EXTL3: variants seen among roughly 807,000 people sequenced by gnomAD.
EXTL3 encodes the protein exostosin-like 3.
A neutral mutation model predicts 69.3 loss-of-function variants in EXTL3; 27 were observed. That is an observed-to-expected ratio of 0.39 (90% CI 0.29 to 0.54). The LOEUF (loss-of-function observed/expected upper bound fraction) is 0.54, where lower values mean the gene tolerates loss of function less well. Among genes scored for constraint, EXTL3 ranks in the 20% least tolerant of loss-of-function variants. EXTL3 has a pLI of 0.69. For missense variants in EXTL3, 1,003 were observed against 1,231.8 expected (o/e 0.81, Z 2.78); for synonymous variants, 511 against 499.4 (o/e 1.02, Z -0.31).
chr8:28,738,593 G>A (rs972884395), intron 5 of EXTL3, among the ~76,000 whole-genome samples: 18 of 152,152 alleles, frequency 1.2e-4, no homozygotes, highest in Non-Finnish European at 2.4e-4. Flanking sequence ...AGGAGTCCCT[G>A]TTCTAAGATT....
At chr8:28,652,316 G>T (rs982229171) in intron 1 of EXTL3, among the ~76,000 whole-genome samples, 1 of 151,792 alleles carries the variant, frequency 6.6e-6, no homozygotes, top group African/African-American at 2.4e-5. Flanking sequence ...AATGTCCAAG[G>T]GTTCCCATTT....
At chr8:28,691,611 A>G (rs1800615208) in intron 1 of EXTL3, among the ~76,000 whole-genome samples, 1 of 130,832 alleles carries the variant, frequency 7.6e-6, no homozygotes, top group Admixed American at 7.5e-5. Flanking sequence ...TAATATGTAG[A>G]TGTTGGCCGG....
upstream of EXTL3, among the ~76,000 whole-genome samples, chr8:28,618,322 A>G (rs73669819): frequency 0.013 from 1,926 of 152,076 alleles, 51 homozygotes; most frequent in African/African-American, 0.044. Context: ...AAGGTATATA[A>G]TAATAATAAT....
chr8:28,661,925 T>C (rs918876334), intron 1 of EXTL3, among the ~76,000 whole-genome samples: 2 of 151,036 alleles, frequency 1.3e-5, no homozygotes, highest in African/African-American at 4.8e-5. Flanking sequence ...TAAATGTATA[T>C]ATTACATATT....
intron 3 of EXTL3, among the ~76,000 whole-genome samples, chr8:28,725,240 G>C (rs1445865742): frequency 6.6e-6 from 1 of 152,152 alleles, no homozygotes; most frequent in Non-Finnish European, 1.5e-5. Context: ...GCAGGTTCCA[G>C]GCCACGATTG....
chr8:28,616,530 G>A (rs1806333605), intron 2 of EXTL3, among the ~76,000 whole-genome samples: 1 of 152,168 alleles, frequency 6.6e-6, no homozygotes, highest in South Asian at 2.1e-4. Flanking sequence ...GGGAGGCTGA[G>A]GCAGGAGAAT....
intron 1 of EXTL3, among the ~76,000 whole-genome samples, chr8:28,661,810 G>A (rs1014643307): frequency 4.0e-5 from 6 of 151,734 alleles, no homozygotes; most frequent in East Asian, 1.9e-4. Flanking sequence ...GCTTGAACCC[G>A]GGAGGCAGAG....
At chr8:28,660,837 G>GATTTTTT (rs1807097504) in intron 1 of EXTL3, among the ~76,000 whole-genome samples, 1 of 24,902 alleles carries the variant, frequency 4.0e-5, no homozygotes, top group Non-Finnish European at 7.6e-5. Context: ...CCGATTTTTG[G>GATTTTTT]CTTTTTTTTT....
At chr8:28,620,291 G>A (rs1032586458), upstream of EXTL3, among the ~76,000 whole-genome samples, 33 of 152,158 alleles carry the variant, frequency 2.2e-4, no homozygotes, top group African/African-American at 8.0e-4. Context: ...CAGGGCCAGT[G>A]CTTCCTAACA....
chr8:28,674,783 G>A (rs920854726), intron 1 of EXTL3, among the ~76,000 whole-genome samples: 4 of 152,150 alleles, frequency 2.6e-5, no homozygotes, highest in Non-Finnish European at 4.4e-5. Flanking sequence ...CAGTGAAGGA[G>A]CACTCCCACC....
rs896044331 is a variant in EXTL3 at position 28,753,988 on chromosome 8, T to C, written c.*3122T>C. 5 of 152,286 alleles carry C rather than the reference T, an allele frequency of 3.3e-5. No homozygotes were observed. Among genetic ancestry groups the C allele is most frequent in the African/African-American group, 1.2e-4 (5 of 41,314 alleles). The allele number at this position is 152,286 out of a possible 1,614,324, so 9.4% of individuals were successfully genotyped here. A position where few individuals can be genotyped will look rare whatever the true frequency, so the allele number is the denominator to read the frequency against. On this transcript the variant is annotated 3_prime_UTR_variant, in exon 7 of 7. Transcript: ENST00000220562. Reference sequence around the variant, plus strand: ...TTTAAGCAGGATGTGGAAGGGCATGTGGCCCATATATGCAAAGTTAATTTT... The same window carrying C: ...TTTAAGCAGGATGTGGAAGGGCATGCGGCCCATATATGCAAAGTTAATTTT...
At chr8:28,648,828 A>C (rs967914803) in intron 1 of EXTL3, among the ~76,000 whole-genome samples, 2 of 150,516 alleles carry the variant, frequency 1.3e-5, no homozygotes, top group Admixed American at 1.3e-4. Flanking sequence ...GGATCCTCCC[A>C]CCTCAGCATC....
intron 1 of EXTL3, among the ~76,000 whole-genome samples, chr8:28,684,362 C>T (rs181514221): frequency 1.3e-5 from 2 of 152,294 alleles, no homozygotes; most frequent in Admixed American, 6.5e-5. Context: ...AAACTCTTCA[C>T]AGTGGTTGTA....
chr8:28,664,874 A>G (rs1371408091), intron 1 of EXTL3, among the ~76,000 whole-genome samples: 1 of 152,064 alleles, frequency 6.6e-6, no homozygotes, highest in Non-Finnish European at 1.5e-5. Context: ...TAATCTGAAG[A>G]TGAGTTCCTC....
In EXTL3 at chr8:28,750,466, A is replaced by G. The variant is rs1801979894; in HGVS notation, c.2551-191A>G. On this transcript the variant is annotated intron_variant, in intron 6 of 6. Coordinates refer to ENST00000220562, the MANE Select transcript of EXTL3 (RefSeq NM_001440.4). This position sits in a 1 kb window ranked among gnomAD's most constrained non-coding sequence, Gnocchi z 5.2. ...GGCCATCTCAACAGAATACCTGACA[A>G]TGTTCTGGAGACATCTGGTAGGCAG... Among the ~76,000 whole-genome samples, 2 of 152,280 alleles carry G rather than the reference A, an allele frequency of 1.3e-5. No individual in the cohort carries two copies. The highest frequency in any genetic ancestry group is 2.1e-4 in the South Asian group (1 of 4,828).
At position 28,752,532 on chromosome 8, in the gene EXTL3, C is replaced by T. The variant is rs1802030401; in HGVS notation, c.*1666C>T. 1 of 152,652 alleles carries T rather than the reference C, an allele frequency of 6.6e-6. No homozygotes were observed. Among genetic ancestry groups the T allele is most frequent in the Admixed American group, 6.5e-5 (1 of 15,270 alleles). 9.5% of individuals were successfully genotyped at this position (152,652 alleles called of 1,614,324 possible). A position where few individuals can be genotyped will look rare whatever the true frequency, so the allele number is the denominator to read the frequency against. On this transcript the variant is annotated 3_prime_UTR_variant, in exon 7 of 7. Transcript: ENST00000220562. The stretch of plus-strand genomic sequence containing the variant: ...TCAAGTACTGTTTTGAAGCTGGGCT[C>T]TTTTGTGTAGCTCCCACCCACCTGT...
chr8:28,680,402 A>C (rs1454238382), intron 1 of EXTL3, among the ~76,000 whole-genome samples: 3 of 151,982 alleles, frequency 2.0e-5, no homozygotes, highest in Non-Finnish European at 4.4e-5. Context: ...AAAAAAAAAA[A>C]AAACAGCATA....
At chr8:28,729,211 C>G (rs1801478751) in intron 3 of EXTL3, among the ~76,000 whole-genome samples, 1 of 147,956 alleles carries the variant, frequency 6.8e-6, no homozygotes, top group African/African-American at 2.5e-5. Flanking sequence ...AGGAGGATCA[C>G]TTGAGCCTGG....
At chr8:28,620,100 C>G (rs1047442428), upstream of EXTL3, among the ~76,000 whole-genome samples, 52 of 152,004 alleles carry the variant, frequency 3.4e-4, no homozygotes, top group Admixed American at 3.9e-4. Flanking sequence ...GTCTCGATCT[C>G]TTGACCTAGT....
Sources: gnomAD v4.1 joint callset for allele counts (sites outside exome capture counted in the v4.1 genomes callset) on GRCh38, gnomAD v4.1.1 for gene constraint, Gnocchi (gnomAD v3.1) non-coding constraint, MANE v1.5 for transcripts, NCBI Gene and HGNC (gene_info 2026-07-23, HGNC 2026-07-21) for gene names.